The following TBC1D22A variants were observed in gnomAD, a reference collection of about 807,000 sequenced individuals.
The protein encoded by TBC1D22A is TBC1 domain family member 22A.
TBC1D22A carries 38 observed loss-of-function variants against 60.2 expected under a neutral mutation model. That is an observed-to-expected ratio of 0.63 (90% CI 0.49 to 0.83). The LOEUF (loss-of-function observed/expected upper bound fraction) is 0.83. TBC1D22A is among the 40% of genes least tolerant of loss of function. The pLI, the probability that TBC1D22A is intolerant of heterozygous loss-of-function variation, is 0.00. For synonymous variants in TBC1D22A, 302 were observed against 281.7 expected (o/e 1.07, Z -0.72); for missense variants, 628 against 701.0 (o/e 0.90, Z 1.18).
intron 5 of TBC1D22A, among the ~76,000 whole-genome samples, chr22:46,882,311 C>T (rs2067891996): frequency 6.6e-6 from 1 of 152,100 alleles, no homozygotes; most frequent in Admixed American, 6.5e-5. Context: ...TTCAGGCCTG[C>T]CTTCTTCACC....
At chr22:47,003,763 C>G (rs1169225607) in intron 10 of TBC1D22A, among the ~76,000 whole-genome samples, 1 of 117,742 alleles carries the variant, frequency 8.5e-6, no homozygotes. Context: ...ACCGTACACA[C>G]ACATGCCTAT....
intron 12 of TBC1D22A, among the ~76,000 whole-genome samples, chr22:47,141,905 G>C (rs1464139995): frequency 6.6e-6 from 1 of 152,182 alleles, no homozygotes; most frequent in East Asian, 1.9e-4. Flanking sequence ...TGGAATTTCT[G>C]TTCTACCAAA....
At chr22:46,823,854 G>A (rs964164772) in intron 4 of TBC1D22A, among the ~76,000 whole-genome samples, 3 of 152,154 alleles carry the variant, frequency 2.0e-5, no homozygotes, top group African/African-American at 7.2e-5. Context: ...GGACCAGCAG[G>A]TGCTGCACAC....
chr22:47,020,665 C>T (rs946362146), intron 10 of TBC1D22A, among the ~76,000 whole-genome samples: 9 of 151,794 alleles, frequency 5.9e-5, no homozygotes, highest in Non-Finnish European at 1.3e-4. Flanking sequence ...GCAGTGCAGT[C>T]GGTGGCTTTC....
At chr22:47,019,256 C>T (rs548072688) in intron 10 of TBC1D22A, among the ~76,000 whole-genome samples, 1 of 152,380 alleles carries the variant, frequency 6.6e-6, no homozygotes, top group South Asian at 2.1e-4. Flanking sequence ...TACTCCCTCC[C>T]AGCCTGGTGG....
At chr22:47,155,015 C>T (rs914353623) in intron 12 of TBC1D22A, among the ~76,000 whole-genome samples, 5 of 152,202 alleles carry the variant, frequency 3.3e-5, no homozygotes, top group African/African-American at 1.2e-4. Flanking sequence ...TGGCCCCAAA[C>T]ACCGCAAGGC....
At chr22:47,133,543 G>T (rs560771360) in intron 12 of TBC1D22A, among the ~76,000 whole-genome samples, 1 of 152,218 alleles carries the variant, frequency 6.6e-6, no homozygotes, top group Non-Finnish European at 1.5e-5. Flanking sequence ...TTCCAGCTGT[G>T]CAGCAGAGTT....
chr22:46,832,300 CTTAA>C (rs547810664), intron 4 of TBC1D22A, among the ~76,000 whole-genome samples: 45 of 152,238 alleles, frequency 3.0e-4, no homozygotes, highest in Non-Finnish European at 5.7e-4. Context: ...TTATGCCCTT[CTTAA>C]TTGTGTCCCA....
Position 47,111,591 on chromosome 22 carries a change from A to G in TBC1D22A, c.1413A>G (p.Glu471=), listed in dbSNP as rs750494235. The G allele has an allele frequency of 6.2e-7, 1 of 1,613,850 alleles. No homozygotes were observed. The highest frequency in any genetic ancestry group is 8.5e-7 in the Non-Finnish European group (1 of 1,179,856). The change falls in exon 12 of 13, where the codon GAA becomes GAG. Residue 471 remains glutamate (E), a synonymous_variant. Coordinates refer to ENST00000337137, the MANE Select transcript of TBC1D22A (RefSeq NM_014346.5). ...GATGGAGGAAGGAAATACTAGAAGA[A>G]AAAGATTTTCAAGTAAGTAAATGTC... ...LVRWRKEILE[E]KDFQELLLFL...
At chr22:46,765,778 CT>C (rs61163963) in intron 1 of TBC1D22A, among the ~76,000 whole-genome samples, 88,438 of 130,954 alleles carry the variant, frequency 0.68, 29,461 homozygotes, top group Middle Eastern at 0.81. Flanking sequence ...TGTTTTCCTC[CT>C]TTTTTTTTTT....
At chr22:47,035,313 G>A (rs2062618768) in intron 10 of TBC1D22A, among the ~76,000 whole-genome samples, 1 of 152,138 alleles carries the variant, frequency 6.6e-6, no homozygotes, top group Admixed American at 6.5e-5. Context: ...AGCGCACAGT[G>A]GTGGGGGTGT....
chr22:46,808,719 C>T (rs542905351), intron 4 of TBC1D22A, among the ~76,000 whole-genome samples: 5 of 152,142 alleles, frequency 3.3e-5, no homozygotes, highest in African/African-American at 7.2e-5. Flanking sequence ...CTCAGCCTCC[C>T]GAGTAGCTGG....
At chr22:46,773,931 G>A (rs948094144) in intron 1 of TBC1D22A, 8 of 985,358 alleles carry the variant, frequency 8.1e-6, no homozygotes, top group African/African-American at 5.2e-5. Flanking sequence ...AACCTTAGAA[G>A]TCTGTGCCCT....
At chr22:46,974,514 C>A (rs2074213815) in intron 9 of TBC1D22A, 115 bp downstream of exon 9, 6 of 823,770 alleles carry the variant, frequency 7.3e-6, no homozygotes, top group African/African-American at 6.8e-5. Context: ...CCTCCTGAAG[C>A]CTCACTTTTC....
chr22:46,803,166 CT>C (rs1166496357), intron 4 of TBC1D22A, among the ~76,000 whole-genome samples: 1 of 152,156 alleles, frequency 6.6e-6, no homozygotes, highest in Non-Finnish European at 1.5e-5. Flanking sequence ...AAAGACCCCC[CT>C]CTGCACCCCC....
chr22:47,080,350 G>A (rs1181185329), intron 11 of TBC1D22A, among the ~76,000 whole-genome samples: 2 of 152,086 alleles, frequency 1.3e-5, no homozygotes, highest in South Asian at 2.1e-4. Context: ...ACTCAGTAAC[G>A]AATCACCATG....
chr22:47,081,120 C>CA (rs34794967), intron 11 of TBC1D22A, among the ~76,000 whole-genome samples: 33,502 of 83,406 alleles, frequency 0.4, 6,173 homozygotes, highest in East Asian at 0.62. Flanking sequence ...AACTCCGTCT[C>CA]AAAAAAAAAA....
At chr22:46,982,880 C>T (rs998689548) in intron 9 of TBC1D22A, among the ~76,000 whole-genome samples, 10 of 152,046 alleles carry the variant, frequency 6.6e-5, no homozygotes, top group East Asian at 1.9e-4. Context: ...AGCGGTGGGG[C>T]GCCCTCCTGC....
chr22:47,041,673 G>A (rs1363232377), intron 11 of TBC1D22A, among the ~76,000 whole-genome samples: 1 of 152,238 alleles, frequency 6.6e-6, no homozygotes, highest in African/African-American at 2.4e-5. Context: ...TGCATCCCTG[G>A]GCGAGCCGAG....
Sources: gnomAD v4.1 joint callset for allele counts (sites outside exome capture counted in the v4.1 genomes callset) on GRCh38, gnomAD v4.1.1 for gene constraint, MANE v1.5 for transcripts, NCBI Gene and HGNC (gene_info 2026-07-23, HGNC 2026-07-21) for gene names.